The following TLN2 variants were observed in gnomAD, a reference collection of about 807,000 sequenced individuals.
TLN2 encodes the protein talin-2.
In TLN2, 118 loss-of-function variants were observed where a neutral mutation model predicts 294.7. The observed-to-expected ratio is 0.40, with a 90% CI of 0.34 to 0.47. The LOEUF is 0.47. TLN2 is among the 20% of genes least tolerant of loss of function. The pLI is 0.84. For missense variants in TLN2, 3,083 were observed against 3,282.2 expected (o/e 0.94, Z 1.48); for synonymous variants, 1,431 against 1,304.5 (o/e 1.10, Z -2.09).
chr15:62,651,509 A>C (rs2140944116), intron 5 of TLN2, among the ~76,000 whole-genome samples: 1 of 152,348 alleles, frequency 6.6e-6, no homozygotes, highest in African/African-American at 2.4e-5. Flanking sequence ...TGTATATGGA[A>C]ATAATGAAAG....
intron 1 of TLN2, among the ~76,000 whole-genome samples, chr15:62,492,586 A>G (rs947076308): frequency 5.9e-5 from 9 of 151,958 alleles, no homozygotes; most frequent in Non-Finnish European, 1.0e-4. Flanking sequence ...AACTATTCCA[A>G]TAATCCCAAT....
intron 52 of TLN2, among the ~76,000 whole-genome samples, chr15:62,817,905 G>A (rs2067244231): frequency 7.2e-6 from 1 of 137,944 alleles, no homozygotes; most frequent in African/African-American, 2.7e-5. Flanking sequence ...TGCAACCTCT[G>A]TTGAGGCAGT....
At chr15:62,503,911 G>C (rs1382246658) in intron 1 of TLN2, among the ~76,000 whole-genome samples, 2 of 152,198 alleles carry the variant, frequency 1.3e-5, no homozygotes, top group Admixed American at 6.5e-5. Flanking sequence ...TCAGTGAACT[G>C]TACAGTATCA....
intron 9 of TLN2, among the ~76,000 whole-genome samples, chr15:62,672,561 A>G (rs1470654915): frequency 6.6e-6 from 1 of 152,136 alleles, no homozygotes; most frequent in Non-Finnish European, 1.5e-5. Flanking sequence ...CTCTTTTTCA[A>G]TATAAAGTTT....
intron 2 of TLN2, among the ~76,000 whole-genome samples, chr15:62,606,961 G>A (rs12913538): frequency 0.36 from 55,389 of 151,830 alleles, 10,464 homozygotes; most frequent in East Asian, 0.58. Flanking sequence ...CACCACCTCC[G>A]CCGCTGCCAC....
intron 50 of TLN2, 24 bp downstream of exon 50, chr15:62,800,793 C>G: frequency 3.1e-6 from 5 of 1,590,450 alleles, no homozygotes; most frequent in Non-Finnish European, 4.3e-6. Flanking sequence ...AGTTACCTCC[C>G]TTGGGTACCA....
chr15:62,513,205 C>G (rs954292608), intron 1 of TLN2, among the ~76,000 whole-genome samples: 7 of 152,190 alleles, frequency 4.6e-5, no homozygotes, highest in Admixed American at 3.9e-4. Flanking sequence ...CCGACATGGT[C>G]CAGCCACAGC....
At chr15:62,483,573 G>A (rs2038224273) in intron 1 of TLN2, among the ~76,000 whole-genome samples, 1 of 152,022 alleles carries the variant, frequency 6.6e-6, no homozygotes, top group East Asian at 1.9e-4. Context: ...CTTTTTTCTG[G>A]GTCTACCTTG....
chr15:62,797,542 G>A (rs1197759943), intron 48 of TLN2, 140 bp downstream of exon 48: 1 of 1,015,776 alleles, frequency 9.8e-7, no homozygotes, highest in Non-Finnish European at 1.4e-6. Flanking sequence ...TGAGGAACCG[G>A]TAGGAGGCAG....
At chr15:62,833,227 G>A in intron 54 of TLN2, 1 of 379,062 alleles carries the variant, frequency 2.6e-6, no homozygotes, top group Non-Finnish European at 4.8e-6. Flanking sequence ...CTATTGCTGT[G>A]CCTGGCCATT....
intron 1 of TLN2, among the ~76,000 whole-genome samples, chr15:62,482,085 A>T (rs1419738364): frequency 6.6e-6 from 1 of 151,832 alleles, no homozygotes; most frequent in African/African-American, 2.4e-5. Context: ...GAGCCACCGC[A>T]CCTGGCTATT....
chr15:62,685,392 C>G (rs1015528174), intron 11 of TLN2, among the ~76,000 whole-genome samples: 1 of 152,156 alleles, frequency 6.6e-6, no homozygotes, highest in Non-Finnish European at 1.5e-5. Context: ...CTAATGTTGT[C>G]TGAAAATTGG....
At chr15:62,550,871 T>G (rs1048834397) in intron 1 of TLN2, among the ~76,000 whole-genome samples, 5 of 152,082 alleles carry the variant, frequency 3.3e-5, no homozygotes, top group African/African-American at 1.2e-4. Flanking sequence ...GCAGGAATGG[T>G]TTCAGGATGA....
chr15:62,756,363 G>A (rs2062249019), intron 37 of TLN2, among the ~76,000 whole-genome samples: 1 of 152,146 alleles, frequency 6.6e-6, no homozygotes, highest in Admixed American at 6.5e-5. Flanking sequence ...ACTTGTAGGT[G>A]GGCGATGAAG....
Position 62,460,781 on chromosome 15 carries a change from C to T in TLN2, c.-238+70096C>T, listed in dbSNP as rs114174491. Among the ~76,000 whole-genome samples, 1,461 of 152,228 alleles carry T rather than the reference C, an allele frequency of 9.6e-3. 15 individuals are homozygous for T. Among genetic ancestry groups the T allele is most frequent in the African/African-American group, 0.029 (1,202 of 41,526 alleles). Reference sequence around the variant, plus strand: ...GAAATGAACACAAATCATAACTGGACGAGTTGATGAATTTTCACAAACTGA... The same window carrying T: ...GAAATGAACACAAATCATAACTGGATGAGTTGATGAATTTTCACAAACTGA... On this transcript the variant is annotated intron_variant, in intron 1 of 58. Transcript: ENST00000636159.
At chr15:62,619,855 C>T (rs2048631711) in intron 3 of TLN2, among the ~76,000 whole-genome samples, 1 of 152,110 alleles carries the variant, frequency 6.6e-6, no homozygotes, top group Non-Finnish European at 1.5e-5. Context: ...TTTAGGACAC[C>T]AAGTTTGTGG....
chr15:62,628,349 G>A (rs1374082825), intron 3 of TLN2, among the ~76,000 whole-genome samples: 5 of 152,088 alleles, frequency 3.3e-5, no homozygotes, highest in African/African-American at 1.2e-4. Context: ...GGCATCCCAG[G>A]GTGACTTGCA....
chr15:62,577,131 G>T (rs1330932625), intron 1 of TLN2, among the ~76,000 whole-genome samples: 1 of 152,322 alleles, frequency 6.6e-6, no homozygotes, highest in East Asian at 1.9e-4. Context: ...AAACAGCTTT[G>T]TTATGCTTCT....
At chr15:62,408,622 T>C (rs2033574622) in intron 1 of TLN2, among the ~76,000 whole-genome samples, 1 of 152,210 alleles carries the variant, frequency 6.6e-6, no homozygotes, top group Non-Finnish European at 1.5e-5. Flanking sequence ...ATTAACTTTA[T>C]TGTAGTGATT....
Sources: allele counts gnomAD v4.1 joint callset (sites outside exome capture counted in the v4.1 genomes callset), GRCh38; gene constraint gnomAD v4.1.1; transcripts MANE v1.5; gene names NCBI Gene and HGNC (gene_info 2026-07-23, HGNC 2026-07-21).